Variants in RERE observed in about 807,000 individuals in gnomAD.
The protein encoded by RERE is arginine-glutamic acid dipeptide repeats.
RERE carries 40 observed loss-of-function variants against 146.1 expected under a neutral mutation model. The ratio of observed to expected loss-of-function variants is 0.27; its 90% CI spans 0.21 to 0.36. RERE has a LOEUF of 0.36. Among genes scored for constraint, RERE ranks in the 10% least tolerant of loss-of-function variants. The probability of loss-of-function intolerance (pLI) is 1.00; values close to 1 mark genes in which losing one functional copy is unlikely to be tolerated. For synonymous variants in RERE, 1,003 were observed against 866.0 expected (o/e 1.16, Z -2.78); for missense variants, 1,933 against 2,138.7 (o/e 0.90, Z 1.90).
chr1:8,713,950 T>G (rs1639716341), intron 1 of RERE, among the ~76,000 whole-genome samples: 3 of 152,126 alleles, frequency 2.0e-5, no homozygotes, highest in Non-Finnish European at 4.4e-5. Flanking sequence ...TTATGAAAAC[T>G]TTAAGCCAAA....
At chr1:8,386,010 ATATATATATATATTTTTTTTTTTTTTT>A (rs1335373052) in intron 12 of RERE, among the ~76,000 whole-genome samples, 3 of 44,068 alleles carry the variant, frequency 6.8e-5, no homozygotes, top group African/African-American at 1.8e-4. Flanking sequence ...ATATATATAT[ATATATATATATATTTTTTTTTTTTTTT>A]TTTTTTTTTT....
At chr1:8,501,072 G>T (rs1280566544) in intron 8 of RERE, among the ~76,000 whole-genome samples, 1 of 103,654 alleles carries the variant, frequency 9.6e-6, no homozygotes, top group African/African-American at 3.5e-5. Flanking sequence ...CAGCCGCCCC[G>T]TCCGGGAGGT....
chr1:8,645,775 A>G (rs1647276701), intron 2 of RERE, among the ~76,000 whole-genome samples: 1 of 152,222 alleles, frequency 6.6e-6, no homozygotes, highest in Non-Finnish European at 1.5e-5. Flanking sequence ...CTCTAATTAG[A>G]ATAACTTTAG....
intron 7 of RERE, among the ~76,000 whole-genome samples, chr1:8,529,993 T>C (rs1287980691): frequency 6.6e-6 from 1 of 152,174 alleles, no homozygotes; most frequent in Non-Finnish European, 1.5e-5. Context: ...ACGGGCTGCC[T>C]GTGTACTGAT....
In RERE at chr1:8,354,858, T is replaced by TA; in HGVS notation, c.*228dup. On this transcript the variant is annotated 3_prime_UTR_variant, in exon 23 of 23. Transcript: ENST00000400908. ...ATGTTCAGTCCAGTCCAGGACTCAC[T>TA]AAGTTTCTGGGGGACTGTCATGCAG... 1.7e-6 allele frequency: 1 copy of TA among 574,534 alleles called. No homozygotes were observed. The highest frequency in any genetic ancestry group is 3.1e-6 in the Non-Finnish European group (1 of 327,400). 35.6% of individuals were successfully genotyped at this position (574,534 alleles called of 1,614,324 possible).
intron 1 of RERE, among the ~76,000 whole-genome samples, chr1:8,684,439 C>A (rs1311754239): frequency 6.6e-6 from 1 of 152,036 alleles, no homozygotes; most frequent in Non-Finnish European, 1.5e-5. Flanking sequence ...GCCCTCCTCT[C>A]ATATGATGGA....
chr1:8,695,652 T>G (rs535055310), intron 1 of RERE, among the ~76,000 whole-genome samples: 2 of 146,560 alleles, frequency 1.4e-5, no homozygotes, highest in Non-Finnish European at 3.0e-5. Flanking sequence ...TCCCAGCTAC[T>G]TGGGAGGCTG....
intron 10 of RERE, among the ~76,000 whole-genome samples, chr1:8,491,371 T>C (rs1570328726): frequency 6.6e-6 from 1 of 151,490 alleles, no homozygotes; most frequent in Admixed American, 6.6e-5. Flanking sequence ...ACCTGGGAGG[T>C]TGTGGTGAGC....
chr1:8,728,968 C>CG (rs1640027020), intron 1 of RERE, among the ~76,000 whole-genome samples: 1 of 152,104 alleles, frequency 6.6e-6, no homozygotes, highest in African/African-American at 2.4e-5. Flanking sequence ...GAGTTCAAGA[C>CG]CAGCCTGACC....
At chr1:8,771,760 A>T (rs1028294382) in intron 1 of RERE, among the ~76,000 whole-genome samples, 41 of 151,682 alleles carry the variant, frequency 2.7e-4, no homozygotes, top group Admixed American at 2.2e-3. Context: ...AATACAAAAA[A>T]TTAGCCAGGC....
chr1:8,517,129 A>G (rs1645430915), intron 7 of RERE, among the ~76,000 whole-genome samples: 1 of 152,228 alleles, frequency 6.6e-6, no homozygotes. Context: ...ACAGTTACAA[A>G]AGATGAGACC....
At chr1:8,607,276 T>C (rs72639667) in intron 4 of RERE, among the ~76,000 whole-genome samples, 2 of 150,944 alleles carry the variant, frequency 1.3e-5, no homozygotes, top group Non-Finnish European at 2.9e-5. Context: ...AGGAGGATCA[T>C]CTGCGACTGG....
Position 8,614,590 on chromosome 1 carries a change from G to A in RERE, c.493C>T (p.Leu165Phe). The A allele has an allele frequency of 6.2e-7, 1 of 1,613,298 alleles. No individual in the cohort carries two copies. Among genetic ancestry groups the A allele is most frequent in the African/African-American group, 1.3e-5 (1 of 74,998 alleles). Reference sequence around the variant, plus strand: ...ACAGGCCCTCTCCCGGCTTCAGAAAGATGCTGTGGTGGCTGTGATGCCACC... The same window carrying A: ...ACAGGCCCTCTCCCGGCTTCAGAAAAATGCTGTGGTGGCTGTGATGCCACC... ...LPVASQPPQH[L>F]SEAGRGPVGS... Residue 165 changes from leucine to phenylalanine, a missense_variant, in exon 4 of 23, where the codon CTT (leucine) becomes TTT (phenylalanine). Coordinates refer to ENST00000400908, the MANE Select transcript of RERE (RefSeq NM_001042681.2).
Position 8,605,296 on chromosome 1 carries a change from C to T in RERE, c.522+9265G>A, listed in dbSNP as rs531722451. Among the ~76,000 whole-genome samples, 13 of 152,308 alleles carry T rather than the reference C, an allele frequency of 8.5e-5. No individual in the cohort carries two copies. In the South Asian group the frequency reaches 2.7e-3, roughly 32 times the overall value. On this transcript the variant is annotated intron_variant, in intron 4 of 22. Coordinates refer to ENST00000400908, the MANE Select transcript of RERE (RefSeq NM_001042681.2). Reference sequence around the variant, plus strand: ...TACAGGCACATGCCACCATGCCCTGCTAATTTTTTGTATTTTTAGTAGAGA... The same window carrying T: ...TACAGGCACATGCCACCATGCCCTGTTAATTTTTTGTATTTTTAGTAGAGA...
intron 1 of RERE, among the ~76,000 whole-genome samples, chr1:8,716,283 C>T (rs1639762291): frequency 2.3e-5 from 3 of 130,602 alleles, no homozygotes; most frequent in African/African-American, 8.7e-5. Flanking sequence ...GGCAACACTG[C>T]AAGATCTCAT....
chr1:8,439,017 T>A (rs979511771), intron 11 of RERE, among the ~76,000 whole-genome samples: 11 of 152,324 alleles, frequency 7.2e-5, no homozygotes, highest in Admixed American at 5.2e-4. Context: ...TACTTACAGT[T>A]CCACCAGTAA....
At chr1:8,648,158 T>C (rs1487820052) in intron 2 of RERE, among the ~76,000 whole-genome samples, 3 of 152,282 alleles carry the variant, frequency 2.0e-5, no homozygotes, top group East Asian at 1.9e-4. Context: ...TGTGGCTGTT[T>C]TAAAATTTTC....
intron 3 of RERE, among the ~76,000 whole-genome samples, chr1:8,615,757 TG>T (rs1449597867): frequency 2.6e-5 from 4 of 152,112 alleles, no homozygotes; most frequent in East Asian, 3.9e-4. Context: ...TATCTATTTT[TG>T]TAAGTCTCTT....
intron 5 of RERE, among the ~76,000 whole-genome samples, chr1:8,556,846 AAG>A (rs1646013599): frequency 6.6e-6 from 1 of 152,190 alleles, no homozygotes; most frequent in Non-Finnish European, 1.5e-5. Context: ...CAAATGGAAA[AAG>A]AAGAAAAACA....
Sources: gnomAD v4.1 joint callset for allele counts (sites outside exome capture counted in the v4.1 genomes callset) on GRCh38, gnomAD v4.1.1 for gene constraint, MANE v1.5 for transcripts, NCBI Gene and HGNC (gene_info 2026-07-23, HGNC 2026-07-21) for gene names.